The following MARCHF3 variants were observed in gnomAD, a reference collection of about 807,000 sequenced individuals.
MARCHF3 encodes the protein membrane associated ring-CH-type finger 3.
Under a neutral mutation model 24.2 loss-of-function variants are expected in MARCHF3, and 13 were observed. The observed-to-expected ratio is 0.54, with a 90% CI of 0.35 to 0.85. MARCHF3 has a LOEUF of 0.85. Ranked by LOEUF, MARCHF3 falls within the 40% of genes least tolerant of loss-of-function variation. The pLI is 0.01. For missense variants in MARCHF3, 276 were observed against 325.0 expected, an observed-to-expected ratio of 0.85 and a Z score of 1.16; for synonymous variants, 144 against 137.3, an observed-to-expected ratio of 1.05 and a Z score of -0.34.
intron 3 of MARCHF3, among the ~76,000 whole-genome samples, chr5:126,906,539 G>C (rs1389586659): frequency 6.6e-6 from 1 of 152,220 alleles, no homozygotes; most frequent in Admixed American, 6.5e-5. Context: ...TCCTGGTTCA[G>C]TCTTGGGAGA....
At chr5:127,023,257 T>C (rs916299356) in intron 1 of MARCHF3, among the ~76,000 whole-genome samples, 26 of 152,278 alleles carry the variant, frequency 1.7e-4, no homozygotes, top group African/African-American at 6.3e-4. Context: ...GAGGAATCCA[T>C]GTACATATAA....
intron 2 of MARCHF3, among the ~76,000 whole-genome samples, chr5:126,915,791 G>A (rs1732621596): frequency 6.6e-6 from 1 of 152,156 alleles, no homozygotes; most frequent in Non-Finnish European, 1.5e-5. Context: ...CCTTTAATTT[G>A]GAAAAACCAC....
chr5:127,010,631 A>G lies in MARCHF3; in HGVS notation c.-57+19719T>C, dbSNP rs138171120. On this transcript the variant is annotated intron_variant, in intron 1 of 4. Transcript: ENST00000308660. ...CCCTTTCCCAACACACTATCCCTGG[A>G]TCAAGCATGAAAATCTATGCTCTGT... 7.9e-5 allele frequency among the ~76,000 whole-genome samples: 12 copies of G among 152,330 alleles called. No individual in the cohort carries two copies. The East Asian group carries it at 2.3e-3, about 29-fold the overall frequency.
At chr5:126,985,056 T>A (rs907311795) in intron 1 of MARCHF3, among the ~76,000 whole-genome samples, 3 of 152,176 alleles carry the variant, frequency 2.0e-5, no homozygotes, top group Admixed American at 2.0e-4. Context: ...CTCTCCCTAC[T>A]CTCCCCCAGG....
Position 126,890,487 on chromosome 5 carries a change from T to A in MARCHF3, c.394-12093A>T, listed in dbSNP as rs1306227567. ...AGACTGTGATATTCCCCTTCCTGTG[T>A]CCATGTGATCTCATTGTTCAATCCC... On this transcript the variant is annotated intron_variant, in intron 3 of 4. Coordinates refer to ENST00000308660, the MANE Select transcript of MARCHF3 (RefSeq NM_178450.5). 9.9e-5 allele frequency among the ~76,000 whole-genome samples: 14 copies of A among 141,998 alleles called. 1 individual carries two copies. Among genetic ancestry groups the A allele is most frequent in the African/African-American group, 2.9e-4 (11 of 37,940 alleles). 93.2% of individuals were successfully genotyped at this position (141,998 alleles called of 152,430 possible). A position where few individuals can be genotyped will look rare whatever the true frequency, so the allele number is the denominator to read the frequency against.
At chr5:126,913,739 A>G (rs2126791480) in intron 3 of MARCHF3, among the ~76,000 whole-genome samples, 1 of 152,356 alleles carries the variant, frequency 6.6e-6, no homozygotes, top group Non-Finnish European at 1.5e-5. Context: ...GAGAATGTAT[A>G]CACAGAGCTA....
intron 1 of MARCHF3, among the ~76,000 whole-genome samples, chr5:126,976,054 T>A (rs928758527): frequency 6.6e-6 from 1 of 152,218 alleles, no homozygotes; most frequent in African/African-American, 2.4e-5. Flanking sequence ...GTTTCCACTG[T>A]CTTTTTTTCC....
Position 126,942,514 on chromosome 5 carries a change from T to C in MARCHF3, c.-56-24287A>G, listed in dbSNP as rs370057257. Among the ~76,000 whole-genome samples, 30 of 151,426 alleles carry C rather than the reference T, an allele frequency of 2.0e-4. No homozygotes were observed. The East Asian group carries it at 2.9e-3, about 15-fold the overall frequency. On this transcript the variant is annotated intron_variant, in intron 1 of 4. Coordinates refer to ENST00000308660, the MANE Select transcript of MARCHF3 (RefSeq NM_178450.5). ...AGATATAATCCCTGCCCTACAGGAGTTGACCATCTAAAACAATAAATATTG... is the reference window on the plus strand; with the variant it reads ...AGATATAATCCCTGCCCTACAGGAGCTGACCATCTAAAACAATAAATATTG...
At chr5:126,888,034 G>A (rs1012935158) in intron 3 of MARCHF3, among the ~76,000 whole-genome samples, 3 of 152,336 alleles carry the variant, frequency 2.0e-5, no homozygotes, top group East Asian at 1.9e-4. Context: ...CTACGTTCCT[G>A]TTTCTTAAAT....
Position 126,983,676 on chromosome 5 carries a change from C to T in MARCHF3, c.-57+46674G>A, listed in dbSNP as rs935087761. 4.6e-5 allele frequency among the ~76,000 whole-genome samples: 7 copies of T among 151,812 alleles called. No homozygotes were observed. In the South Asian group the frequency reaches 8.3e-4, roughly 18 times the overall value. On this transcript the variant is annotated intron_variant, in intron 1 of 4. Coordinates refer to ENST00000308660, the MANE Select transcript of MARCHF3 (RefSeq NM_178450.5). ...TGAGGTCAGTCCACTGGGGCTCAGA[C>T]GGCTGAGGAGCCAGGTCCCTCGCTT...
intron 2 of MARCHF3, among the ~76,000 whole-genome samples, chr5:126,916,688 G>GACACACACACACACACACACAC (rs756972169): frequency 1.3e-5 from 1 of 76,442 alleles, no homozygotes; most frequent in African/African-American, 4.4e-5. Flanking sequence ...CAGACAGACA[G>GACACACACACACACACACACAC]ACAGACACAC....
At chr5:127,005,133 C>CTTTTTTTTT (rs937505290) in intron 1 of MARCHF3, among the ~76,000 whole-genome samples, 2 of 122,558 alleles carry the variant, frequency 1.6e-5, no homozygotes, top group South Asian at 2.7e-4. Context: ...CTCAGAAAGT[C>CTTTTTTTTT]TTTTTTTTTT....
chr5:126,989,337 C>CTAA (rs969962430), intron 1 of MARCHF3, among the ~76,000 whole-genome samples: 2,906 of 141,348 alleles, frequency 0.021, 38 homozygotes, highest in South Asian at 0.031. Flanking sequence ...ACTACTACTA[C>CTAA]TAATAATAAT....
intron 3 of MARCHF3, among the ~76,000 whole-genome samples, chr5:126,886,744 C>T (rs1015955892): frequency 2.6e-5 from 4 of 152,180 alleles, no homozygotes; most frequent in Admixed American, 6.5e-5. Context: ...CTGCAGAACA[C>T]GAGATTCACC....
chr5:126,949,292 A>G (rs1307824227), intron 1 of MARCHF3, among the ~76,000 whole-genome samples: 1 of 152,228 alleles, frequency 6.6e-6, no homozygotes, highest in African/African-American at 2.4e-5. Flanking sequence ...ATTAAAGATC[A>G]TAACACACAG....
intron 3 of MARCHF3, among the ~76,000 whole-genome samples, chr5:126,883,600 T>A (rs879668020): frequency 6.6e-6 from 1 of 152,206 alleles, no homozygotes; most frequent in African/African-American, 2.4e-5. Context: ...TGAATGTACA[T>A]CTAAGGTAAG....
rs1191918335 is a variant in MARCHF3 at position 126,883,413 on chromosome 5, G to A, written c.394-5019C>T. On this transcript the variant is annotated intron_variant, in intron 3 of 4. Coordinates refer to ENST00000308660, the MANE Select transcript of MARCHF3 (RefSeq NM_178450.5). ...CCAGCAGTGAGCTGCCTATTTTTCT[G>A]TAGAAATCTCATTCTAATCACTTAT... 1.3e-5 allele frequency among the ~76,000 whole-genome samples: 2 copies of A among 152,160 alleles called. 1 individual carries two copies. The highest frequency in any genetic ancestry group is 2.9e-5 in the Non-Finnish European group (2 of 68,038).
intron 3 of MARCHF3, among the ~76,000 whole-genome samples, chr5:126,893,136 T>A (rs1325934675): frequency 6.6e-6 from 1 of 151,998 alleles, no homozygotes; most frequent in Non-Finnish European, 1.5e-5. Context: ...GGTGGTGATA[T>A]CCCCTTTATC....
At chr5:126,899,853 C>T (rs1325279661) in intron 3 of MARCHF3, among the ~76,000 whole-genome samples, 1 of 152,040 alleles carries the variant, frequency 6.6e-6, no homozygotes, top group East Asian at 1.9e-4. Context: ...CCCTACAGTC[C>T]CCTCTACTGT....
Sources: gnomAD v4.1 joint callset for allele counts (sites outside exome capture counted in the v4.1 genomes callset) on GRCh38, gnomAD v4.1.1 for gene constraint, MANE v1.5 for transcripts, NCBI Gene and HGNC (gene_info 2026-07-23, HGNC 2026-07-21) for gene names.